UBLCP1: variants seen among roughly 807,000 people sequenced by gnomAD.
UBLCP1 encodes the protein ubiquitin-like domain-containing CTD phosphatase 1.
A neutral mutation model predicts 42.4 loss-of-function variants in UBLCP1; 28 were observed. That is an observed-to-expected ratio of 0.66 (90% CI 0.49 to 0.90). The LOEUF (loss-of-function observed/expected upper bound fraction) is 0.90, where lower values mean the gene tolerates loss of function less well. UBLCP1 is among the 40% of genes least tolerant of loss of function. The pLI, the probability that UBLCP1 is intolerant of heterozygous loss-of-function variation, is 0.00. For synonymous variants in UBLCP1, 122 were observed against 120.8 expected (o/e 1.01, Z -0.07); for missense variants, 279 against 374.5 (o/e 0.75, Z 2.10).
chr5:159,278,441 A>G, intron 9 of UBLCP1, 87 bp downstream of exon 9: 1 of 918,780 alleles, frequency 1.1e-6, no homozygotes, highest in Non-Finnish European at 1.8e-6. Context: ...AATTTCATAT[A>G]TTTTTGGAAG....
chr5:159,282,696 TAAAG>T (rs1337897336), intron 9 of UBLCP1, among the ~76,000 whole-genome samples: 2 of 152,080 alleles, frequency 1.3e-5, no homozygotes, highest in African/African-American at 2.4e-5. Context: ...AATTTAATGA[TAAAG>T]AAAAATGCTT....
intron 8 of UBLCP1, among the ~76,000 whole-genome samples, chr5:159,277,953 A>AT (rs1429368283): frequency 6.6e-6 from 1 of 152,246 alleles, no homozygotes; most frequent in Non-Finnish European, 1.5e-5. Context: ...TTTTTAAAAA[A>AT]TTAAATAATT....
chr5:159,282,589 T>C (rs181898534), intron 9 of UBLCP1, among the ~76,000 whole-genome samples: 3 of 152,258 alleles, frequency 2.0e-5, no homozygotes, highest in African/African-American at 7.2e-5. Context: ...TTTTAAACTC[T>C]TTTTCATCAT....
chr5:159,277,132 C>T (rs1753549009), intron 8 of UBLCP1, among the ~76,000 whole-genome samples: 2 of 149,982 alleles, frequency 1.3e-5, no homozygotes, highest in Admixed American at 1.3e-4. Flanking sequence ...CAAAATATGG[C>T]TTATTGTATT....
rs1343009254 is a variant in UBLCP1 at position 159,263,325 on chromosome 5, T to A, written c.-82T>A. On this transcript the variant is annotated 5_prime_UTR_variant, in exon 1 of 11. Transcript: ENST00000296786. ...GCTTTCGGTCTCTCAGCGGCCGGTTTCTGCGTCCGCTGCCGCAGGTTCCAC... is the reference window on the plus strand; with the variant it reads ...GCTTTCGGTCTCTCAGCGGCCGGTTACTGCGTCCGCTGCCGCAGGTTCCAC... The A allele has an allele frequency of 6.6e-6, 1 of 152,376 alleles. No homozygotes were observed. Among genetic ancestry groups the A allele is most frequent in the Non-Finnish European group, 1.5e-5 (1 of 68,068 alleles). 9.4% of individuals were successfully genotyped at this position (152,376 alleles called of 1,614,324 possible).
chr5:159,266,516 C>T (rs1222675443), intron 1 of UBLCP1, among the ~76,000 whole-genome samples: 1 of 152,222 alleles, frequency 6.6e-6, no homozygotes. Context: ...AAAAGAAAAA[C>T]GCATTTTCTG....
chr5:159,277,327 A>G (rs1336278118), intron 8 of UBLCP1, among the ~76,000 whole-genome samples: 1 of 152,122 alleles, frequency 6.6e-6, no homozygotes, highest in Non-Finnish European at 1.5e-5. Flanking sequence ...AAATTAAATT[A>G]TAGGAGGAAA....
At chr5:159,283,157 TGTTA>T (rs1753627547) in intron 9 of UBLCP1, 51 bp from the exon 10 acceptor site, 1 of 1,538,088 alleles carries the variant, frequency 6.5e-7, no homozygotes, top group African/African-American at 1.4e-5. Context: ...AGTATAGATT[TGTTA>T]GTTTTCCTTA....
intron 10 of UBLCP1, among the ~76,000 whole-genome samples, chr5:159,284,281 G>C (rs1159786697): frequency 1.3e-5 from 2 of 152,022 alleles, no homozygotes; most frequent in Non-Finnish European, 2.9e-5. Context: ...GCTGATTTTA[G>C]GAACTCTTTC....
rs111978047 is a variant in UBLCP1 at position 159,270,749 on chromosome 5, C to T, written c.448+106C>T. ...AGCAACTCATGGTTCTCGTGAAATA[C>T]TTGAAAACTTTTCTTATTACAAAAG... On this transcript the variant is annotated intron_variant, in intron 5 of 10. Transcript: ENST00000296786. 4.5e-6 allele frequency: 3 copies of T among 665,162 alleles called. No homozygotes were observed. The African/African-American group carries it at 5.8e-5, about 13-fold the overall frequency. The allele number at this position is 665,162 out of a possible 1,614,324, so 41.2% of individuals were successfully genotyped here.
chr5:159,282,269 C>T (rs10515782), intron 9 of UBLCP1, among the ~76,000 whole-genome samples: 133,086 of 152,208 alleles, frequency 0.87, 58,436 homozygotes, highest in East Asian at 1. Context: ...GAATTCTTTA[C>T]TGAAGCTATA....
At chr5:159,269,624 A>G (rs563840920) in intron 2 of UBLCP1, among the ~76,000 whole-genome samples, 1 of 152,312 alleles carries the variant, frequency 6.6e-6, no homozygotes, top group East Asian at 1.9e-4. Flanking sequence ...ATTCATCTTG[A>G]ACAACAGAAT....
intron 8 of UBLCP1, among the ~76,000 whole-genome samples, chr5:159,275,814 A>G (rs551966662): frequency 6.6e-6 from 1 of 152,336 alleles, no homozygotes; most frequent in African/African-American, 2.4e-5. Context: ...TGTTGATGAC[A>G]GCACAATGTT....
Position 159,283,231 on chromosome 5 carries a change from C to G in UBLCP1, c.821C>G (p.Ala274Gly). ...NGLKIRPFMKAHLNRDKDKEL... is the reference protein window; with the variant it reads ...NGLKIRPFMKGHLNRDKDKEL... The stretch of plus-strand genomic sequence containing the variant: ...TAATAGATAAGGCCTTTTATGAAAG[C>G]GCACCTAAATCGTGATAAAGACAAA... Residue 274 changes from alanine to glycine, a missense_variant, in exon 10 of 11, where the codon GCG becomes GGG. Physicochemically the swap from Ala to Gly is moderately conservative, Grantham distance 60. Coordinates refer to ENST00000296786, the MANE Select transcript of UBLCP1 (RefSeq NM_145049.5). 6.2e-7 allele frequency: 1 copy of G among 1,603,632 alleles called. No individual in the cohort carries two copies. The highest frequency in any genetic ancestry group is 1.7e-5 in the Admixed American group (1 of 58,182).
chr5:159,271,882 C>G (rs1225793914), intron 5 of UBLCP1, 141 bp from the exon 6 acceptor site: 1 of 518,142 alleles, frequency 1.9e-6, no homozygotes, highest in African/African-American at 1.9e-5. Context: ...TTTTTGTCAG[C>G]CAACGTAATT....
At position 159,270,379 on chromosome 5, in the gene UBLCP1, C is replaced by T. The variant is rs1753448779; in HGVS notation, c.266C>T (p.Pro89Leu). ...EESLEDVLGP[P>L]PDNDDVVNDF... ...TAATAGGAAGATGTCTTAGGTCCACCCCCTGACAATGATGATGTTGTTAAT... is the reference window on the plus strand; with the variant it reads ...TAATAGGAAGATGTCTTAGGTCCACTCCCTGACAATGATGATGTTGTTAAT... Residue 89 changes from proline to leucine, a missense_variant, in exon 4 of 11, where the codon CCC (proline) becomes CTC (leucine). Physicochemically the swap from Pro to Leu is moderately conservative, Grantham distance 98 (BLOSUM62 -3). Transcript: ENST00000296786. 1 of 1,613,082 alleles carries T rather than the reference C, an allele frequency of 6.2e-7. No homozygotes were observed. Among genetic ancestry groups the T allele is most frequent in the African/African-American group, 1.3e-5 (1 of 74,852 alleles).
At chr5:159,270,260 CTG>C (rs1014115035) in intron 3 of UBLCP1, 98 bp from the exon 4 acceptor site, 8 of 1,038,148 alleles carry the variant, frequency 7.7e-6, no homozygotes, top group Admixed American at 7.0e-5. Context: ...TTAAAAGACT[CTG>C]GAACTCAAAT....
At chr5:159,266,676 A>G (rs527831585) in intron 1 of UBLCP1, among the ~76,000 whole-genome samples, 1 of 152,298 alleles carries the variant, frequency 6.6e-6, no homozygotes, top group African/African-American at 2.4e-5. Context: ...CAGGAAGGAA[A>G]AAAGGTTTCG....
At chr5:159,272,311 T>C (rs1195554141) in intron 6 of UBLCP1, among the ~76,000 whole-genome samples, 190 bp downstream of exon 6, 2 of 152,180 alleles carry the variant, frequency 1.3e-5, no homozygotes, top group Non-Finnish European at 2.9e-5. Context: ...ACCAGTGAGA[T>C]AGTTAATTTA....
Sources: gnomAD v4.1 joint callset for allele counts (sites outside exome capture counted in the v4.1 genomes callset) on GRCh38, gnomAD v4.1.1 for gene constraint, MANE v1.5 for transcripts, NCBI Gene and HGNC (gene_info 2026-07-23, HGNC 2026-07-21) for gene names.